Variants in CFL1 observed in about 807,000 individuals in gnomAD.
The protein encoded by CFL1 is cofilin-1.
In CFL1, 2 loss-of-function variants were observed where a neutral mutation model predicts 16.3. The observed-to-expected ratio is 0.12, with a 90% CI of 0.05 to 0.39. The LOEUF is 0.39. CFL1 is among the 10% of genes least tolerant of loss of function. The pLI is 0.99. For synonymous variants in CFL1, 111 were observed against 84.4 expected (o/e 1.31, Z -1.73); for missense variants, 75 against 212.2 (o/e 0.35, Z 4.02).
At position 65,854,990 on chromosome 11, in the gene CFL1, A is replaced by G; in HGVS notation, c.*346T>C. ...AGCACAGAGTCACTATTGCGGTTAG[A>G]AGTTGGCAGCATGGGAAGGGGGAGG... On this transcript the variant is annotated 3_prime_UTR_variant, in exon 4 of 4. Transcript: ENST00000308162. The G allele has an allele frequency of 3.2e-6, 1 of 313,006 alleles. No homozygotes were observed. The highest frequency in any genetic ancestry group is 3.0e-5 in the South Asian group (1 of 33,048). The allele number at this position is 313,006 out of a possible 1,614,324, so 19.4% of individuals were successfully genotyped here.
Position 65,855,452 on chromosome 11 carries a change from T to C in CFL1, c.389-4A>G, listed in dbSNP as rs1193356282. 5 of 1,612,932 alleles carry C rather than the reference T, an allele frequency of 3.1e-6. No homozygotes were observed. In the African/African-American group the frequency reaches 5.3e-5, roughly 17 times the overall value. ...GCTTGCAATTCATGCTTGATCCCTA[T>C]AAAGAAGAAAGGGGAGCATCTGTGA... On this transcript the variant is annotated splice_polypyrimidine_tract_variant and splice_region_variant and intron_variant, in intron 3 of 3. Coordinates refer to ENST00000308162, the MANE Select transcript of CFL1 (RefSeq NM_005507.3).
At chr11:65,856,660 G>A (rs754138997) in intron 1 of CFL1, 11 of 221,180 alleles carry the variant, frequency 5.0e-5, no homozygotes, top group Non-Finnish European at 7.4e-5. Context: ...TTCAGAAAGA[G>A]CCAAGACCCC....
At chr11:65,856,801 C>G (rs1262818330) in intron 1 of CFL1, 1 of 155,684 alleles carries the variant, frequency 6.4e-6, no homozygotes, top group Non-Finnish European at 1.4e-5. Context: ...AGAATTGCAA[C>G]CCCCATTAAG....
chr11:65,854,966 GCA>G lies in CFL1; in HGVS notation c.*368_*369del, dbSNP rs1333841356. On this transcript the variant is annotated 3_prime_UTR_variant, in exon 4 of 4. Coordinates refer to ENST00000308162, the MANE Select transcript of CFL1 (RefSeq NM_005507.3). ...TTTATACACAGAACTAAACAGACAA[GCA>G]CAGAGTCACTATTGCGGTTAGAAGT... 7.1e-6 allele frequency: 2 copies of G among 281,040 alleles called. No individual in the cohort carries two copies. Among genetic ancestry groups the G allele is most frequent in the Non-Finnish European group, 1.4e-5 (2 of 141,008 alleles). 17.4% of individuals were successfully genotyped at this position (281,040 alleles called of 1,614,324 possible). A position where few individuals can be genotyped will look rare whatever the true frequency, so the allele number is the denominator to read the frequency against.
chr11:65,856,199 T>C lies in CFL1; in HGVS notation c.47A>G (p.Asn16Ser). 6.2e-7 allele frequency: 1 copy of C among 1,614,154 alleles called. No individual in the cohort carries two copies. Among genetic ancestry groups the C allele is most frequent in the Non-Finnish European group, 8.5e-7 (1 of 1,180,022 alleles). The change falls in exon 2 of 4, where the codon AAC (asparagine) becomes AGC (serine). Residue 16 changes from asparagine (N) to serine (S), a missense_variant. By Grantham distance (46) the Asn-to-Ser change is conservative (BLOSUM62 1). Transcript: ENST00000308162. Reference protein sequence around the residue: ...AVSDGVIKVFNDMKVRKSSTP... With the variant: ...AVSDGVIKVFSDMKVRKSSTP... ...TGAAGACTTACGCACCTTCATGTCGTTGAACACCTTGATGACACCATCAGA... is the reference window on the plus strand; with the variant it reads ...TGAAGACTTACGCACCTTCATGTCGCTGAACACCTTGATGACACCATCAGA...
chr11:65,857,240 G>C (rs1188452945), intron 1 of CFL1: 13 of 269,872 alleles, frequency 4.8e-5, no homozygotes, highest in African/African-American at 1.9e-4. Context: ...TCAGCCCTCG[G>C]GCCGTATACA....
chr11:65,856,451 C>T (rs1475750469), intron 1 of CFL1: 1 of 565,254 alleles, frequency 1.8e-6, no homozygotes, highest in Non-Finnish European at 3.2e-6. Flanking sequence ...AGTTCAACAA[C>T]CCCTTCCCTC....
chr11:65,857,547 C>A (rs1591047987), intron 1 of CFL1: 2 of 261,302 alleles, frequency 7.7e-6, no homozygotes, highest in Admixed American at 4.6e-5. Context: ...AACCGGGACC[C>A]CGTCTTCCCA....
chr11:65,856,316 G>C lies in CFL1; in HGVS notation c.4-74C>G. ...CCCCTTGTTTTTTCAGAAGATCTCA[G>C]TCCACGTCCCGAGTGGTCACTAGTG... is the stretch of plus-strand genomic sequence containing the variant. On this transcript the variant is annotated intron_variant, in intron 1 of 3. Transcript: ENST00000308162. The C allele has an allele frequency of 2.7e-6, 4 of 1,475,950 alleles. No individual in the cohort carries two copies. In the South Asian group the frequency reaches 5.0e-5, roughly 19 times the overall value. The allele number at this position is 1,475,950 out of a possible 1,614,324, so 91.4% of individuals were successfully genotyped here. A position where few individuals can be genotyped will look rare whatever the true frequency, so the allele number is the denominator to read the frequency against.
Position 65,855,735 on chromosome 11 carries a change from A to G in CFL1, c.312-5T>C. On this transcript the variant is annotated splice_region_variant and splice_polypyrimidine_tract_variant and intron_variant, in intron 2 of 3. Coordinates refer to ENST00000308162, the MANE Select transcript of CFL1 (RefSeq NM_005507.3). Reference sequence around the variant, plus strand: ...AGGGGCGCAGACTCGGGGGCCCTGGACAGAAACACGCGTCAGGCAACTCCC... The same window carrying G: ...AGGGGCGCAGACTCGGGGGCCCTGGGCAGAAACACGCGTCAGGCAACTCCC... The G allele has an allele frequency of 6.5e-7, 1 of 1,539,046 alleles. No individual in the cohort carries two copies. The highest frequency in any genetic ancestry group is 8.7e-7 in the Non-Finnish European group (1 of 1,144,918).
At chr11:65,856,383 T>C in intron 1 of CFL1, 141 bp from the exon 2 acceptor site, 1 of 758,834 alleles carries the variant, frequency 1.3e-6, no homozygotes, top group East Asian at 2.7e-5. Context: ...CCCAAGTCAC[T>C]GTCAAAGAAC....
intron 3 of CFL1, 51 bp from the exon 4 acceptor site, chr11:65,855,499 G>C (rs1859369217): frequency 6.3e-7 from 1 of 1,585,926 alleles, no homozygotes; most frequent in South Asian, 1.1e-5. Context: ...TGGGGTGGGG[G>C]TAGTTTCTGT....
At chr11:65,857,999 C>A in intron 1 of CFL1, 98 bp downstream of exon 1, 1 of 1,322,042 alleles carries the variant, frequency 7.6e-7, no homozygotes, top group Non-Finnish European at 1.0e-6. Flanking sequence ...GCCCGGGGCG[C>A]TGGGGGAGGG....
chr11:65,856,853 G>A (rs1859394371), intron 1 of CFL1: 1 of 154,426 alleles, frequency 6.5e-6, no homozygotes, highest in Admixed American at 6.5e-5. Flanking sequence ...ATGGTGCTAG[G>A]CCCCAGAAGT....
At position 65,857,410 on chromosome 11, in the gene CFL1, C is replaced by G. The variant is rs1448156490; in HGVS notation, c.3+687G>C. On this transcript the variant is annotated intron_variant, in intron 1 of 3. Coordinates refer to ENST00000308162, the MANE Select transcript of CFL1 (RefSeq NM_005507.3). ...GCACGCGCCGACAGACAGCGCCGTT[C>G]CAGCCCTCGCCCGATGCACGGGTGA... The G allele has an allele frequency of 2.3e-5, 10 of 434,572 alleles. No homozygotes were observed. The Admixed American group carries it at 2.4e-4, about 10-fold the overall frequency. 26.9% of individuals were successfully genotyped at this position (434,572 alleles called of 1,614,324 possible).
Position 65,858,177 on chromosome 11 carries a change from G to A in CFL1, c.-78C>T. ...CTGCAGCCGCTGCCGGGACCCGACT[G>A]AACGCGGCCTCTCCCGGCCCCTTCC... is the stretch of plus-strand genomic sequence containing the variant. On this transcript the variant is annotated 5_prime_UTR_variant, in exon 1 of 4. Transcript: ENST00000308162. 6.8e-7 allele frequency: 1 copy of A among 1,467,690 alleles called. No homozygotes were observed. Among genetic ancestry groups the A allele is most frequent in the Non-Finnish European group, 9.1e-7 (1 of 1,094,902 alleles). 90.9% of individuals were successfully genotyped at this position (1,467,690 alleles called of 1,614,324 possible). A position where few individuals can be genotyped will look rare whatever the true frequency, so the allele number is the denominator to read the frequency against.
At position 65,857,661 on chromosome 11, in the gene CFL1, C is replaced by G. The variant is rs373617544; in HGVS notation, c.3+436G>C. On this transcript the variant is annotated intron_variant, in intron 1 of 3. Coordinates refer to ENST00000308162, the MANE Select transcript of CFL1 (RefSeq NM_005507.3). ...CTGCCGAGGGAGGGTGACGCGCAGA[C>G]AGGAACAGCCTTGGGTGGGGCGCGC... 191 of 220,840 alleles carry G rather than the reference C, an allele frequency of 8.6e-4. 1 individual carries two copies. The East Asian group carries it at 0.024, about 28-fold the overall frequency. 13.7% of individuals were successfully genotyped at this position (220,840 alleles called of 1,614,324 possible). A position where few individuals can be genotyped will look rare whatever the true frequency, so the allele number is the denominator to read the frequency against.
At chr11:65,857,913 C>T (rs978701222) in intron 1 of CFL1, 184 bp downstream of exon 1, 23 of 457,440 alleles carry the variant, frequency 5.0e-5, no homozygotes, top group African/African-American at 4.2e-4. Context: ...GACGTCCAGA[C>T]CGGCCCTCCC....
chr11:65,855,657 T>A lies in CFL1; in HGVS notation c.385A>T (p.Thr129Ser). 1 of 1,568,832 alleles carries A rather than the reference T, an allele frequency of 6.4e-7. No individual in the cohort carries two copies. The highest frequency in any genetic ancestry group is 8.6e-7 in the Non-Finnish European group (1 of 1,158,456). ...SSKDAIKKKL[T>S]GIKHELQANC... ...CAGCACCAATGCTGGCCCTTACCTG[T>A]CAGCTTCTTCTTGATGGCGTCCTTG... The change falls in exon 3 of 4, where the codon ACA becomes TCA. Residue 129 changes from threonine (T) to serine (S), a missense_variant. Transcript: ENST00000308162.
Sources: allele counts gnomAD v4.1 joint callset, GRCh38; gene constraint gnomAD v4.1.1; transcripts MANE v1.5; gene names NCBI Gene and HGNC (gene_info 2026-07-23, HGNC 2026-07-21).